Variants in RAPGEF1 observed in about 807,000 individuals in gnomAD.
RAPGEF1 encodes the protein Rap guanine nucleotide exchange factor 1, also known as CRK SH3-binding GNRP.
Under a neutral mutation model 143.3 loss-of-function variants are expected in RAPGEF1, and 33 were observed. That is an observed-to-expected ratio of 0.23 (90% CI 0.17 to 0.31). The LOEUF is 0.31. Ranked by LOEUF, RAPGEF1 falls within the 10% of genes least tolerant of loss-of-function variation. The probability of loss-of-function intolerance (pLI) is 1.00; values close to 1 mark genes in which losing one functional copy is unlikely to be tolerated. For missense variants in RAPGEF1, 1,199 were observed against 1,645.4 expected (o/e 0.73, Z 4.69); for synonymous variants, 629 against 676.5 (o/e 0.93, Z 1.09).
intron 17 of RAPGEF1, among the ~76,000 whole-genome samples, chr9:131,595,053 C>T (rs570084991): frequency 1.6e-3 from 243 of 152,384 alleles, no homozygotes; most frequent in Non-Finnish European, 2.2e-3. Context: ...GCCCCCAGCA[C>T]CGCTGACATG....
rs568733873 is a variant in RAPGEF1 at position 131,636,816 on chromosome 9, G to A, written c.651+1819C>T. Among the ~76,000 whole-genome samples, 5 of 152,258 alleles carry A rather than the reference G, an allele frequency of 3.3e-5. No homozygotes were observed. The South Asian group carries it at 6.2e-4, about 19-fold the overall frequency. On this transcript the variant is annotated intron_variant, in intron 5 of 26. Coordinates refer to ENST00000683357, the MANE Select transcript of RAPGEF1 (RefSeq NM_001377935.1). ...GTGAGGACCAGATATGATAATGTAC[G>A]TGCCTGTCCTCCAAATCCTGGAAAG... is the stretch of plus-strand genomic sequence containing the variant.
chr9:131,734,885 C>T (rs1169413895), intron 1 of RAPGEF1, among the ~76,000 whole-genome samples: 4 of 152,220 alleles, frequency 2.6e-5, no homozygotes, highest in African/African-American at 9.6e-5. Flanking sequence ...CCTATTTATT[C>T]CATCTTCAGG....
Position 131,598,272 on chromosome 9 carries a change from G to A in RAPGEF1, c.2540C>T (p.Ser847Leu), listed in dbSNP as rs1398777998. The A allele has an allele frequency of 3.7e-6, 6 of 1,613,996 alleles. No homozygotes were observed. The highest frequency in any genetic ancestry group is 2.2e-5 in the South Asian group (2 of 91,076). The change falls in exon 16 of 27, where the codon TCG becomes TTG. Residue 847 changes from serine to leucine, a missense_variant. This residue lies in a region of RAPGEF1 where 293 missense variants were observed against 356.2 expected (regional missense o/e 0.82). Transcript: ENST00000683357. The part of the protein sequence containing the change: ...KSPDALESAQ[S>L]EEEVDELSLI... ...GGACAGCTCGTCCACTTCCTCCTCC[G>A]ACTGAGCCGACTCCAGAGCATCTGG...
intron 1 of RAPGEF1, among the ~76,000 whole-genome samples, chr9:131,682,304 C>T (rs1465723303): frequency 6.6e-6 from 1 of 152,186 alleles, no homozygotes; most frequent in Admixed American, 6.5e-5. Flanking sequence ...GAAGGGAACC[C>T]GATTTCGGGA....
At chr9:131,586,655 C>A in intron 22 of RAPGEF1, among the ~76,000 whole-genome samples, 1 of 134,874 alleles carries the variant, frequency 7.4e-6, no homozygotes. Flanking sequence ...CTCAAACACA[C>A]ACACACACAC....
chr9:131,593,418 C>CT (rs1441253362), intron 17 of RAPGEF1, among the ~76,000 whole-genome samples: 2 of 152,244 alleles, frequency 1.3e-5, no homozygotes, highest in Admixed American at 6.5e-5. Context: ...CCCCCCGTGC[C>CT]TGCTGAGGTG....
At chr9:131,633,810 C>T (rs1386325479) in intron 5 of RAPGEF1, among the ~76,000 whole-genome samples, 1 of 152,196 alleles carries the variant, frequency 6.6e-6, no homozygotes, top group Non-Finnish European at 1.5e-5. Flanking sequence ...AGAGGAGAAA[C>T]CTTAAAATGT....
At chr9:131,661,356 TATATAA>T (rs1974041033) in intron 1 of RAPGEF1, among the ~76,000 whole-genome samples, 1 of 152,220 alleles carries the variant, frequency 6.6e-6, no homozygotes, top group South Asian at 2.1e-4. Context: ...CGATTCCATT[TATATAA>T]ATGCAAAAAC....
Position 131,650,027 on chromosome 9 carries a change from A to G in RAPGEF1, c.315+102T>C. ...GCCCACGGTCACCACCCAGTTGAAC[A>G]TAATAATAGTGCAATAGAGTTTTTT... On this transcript the variant is annotated intron_variant, in intron 3 of 26. Coordinates refer to ENST00000683357, the MANE Select transcript of RAPGEF1 (RefSeq NM_001377935.1). The surrounding 1 kb of genome is among the most constrained non-coding windows in gnomAD (Gnocchi z 4.7). The G allele has an allele frequency of 1.1e-6, 1 of 918,508 alleles. No individual in the cohort carries two copies. The highest frequency in any genetic ancestry group is 1.6e-6 in the Non-Finnish European group (1 of 607,250). The allele number at this position is 918,508 out of a possible 1,614,324, so 56.9% of individuals were successfully genotyped here. A position where few individuals can be genotyped will look rare whatever the true frequency, so the allele number is the denominator to read the frequency against.
rs908094792 is a variant in RAPGEF1 at position 131,584,613 on chromosome 9, A to G, written c.3234-17T>C. The G allele has an allele frequency of 1.9e-6, 3 of 1,612,630 alleles. No homozygotes were observed. Among genetic ancestry groups the G allele is most frequent in the Admixed American group, 3.3e-5 (2 of 59,998 alleles). On this transcript the variant is annotated splice_polypyrimidine_tract_variant and intron_variant, in intron 22 of 26. Transcript: ENST00000683357. The surrounding 1 kb of genome is among the most constrained non-coding windows in gnomAD (Gnocchi z 6.8). ...GACCGGACCCTGCATGGACCAAGGGAAAAAGAAACAGCTGAGTTGACAAGT... is the reference window on the plus strand; with the variant it reads ...GACCGGACCCTGCATGGACCAAGGGGAAAAGAAACAGCTGAGTTGACAAGT...
intron 1 of RAPGEF1, among the ~76,000 whole-genome samples, chr9:131,676,929 T>TGGGGGTA (rs11280692): frequency 0.13 from 19,994 of 152,140 alleles, 1,446 homozygotes; most frequent in Middle Eastern, 0.32. Context: ...GCAGACACTC[T>TGGGGGTA]GGGGGTAGGC....
At chr9:131,627,887 G>T in intron 9 of RAPGEF1, 26 bp downstream of exon 9, 1 of 1,565,986 alleles carries the variant, frequency 6.4e-7, no homozygotes. Flanking sequence ...GAGACACGAT[G>T]GAACAGGAGG....
rs1589134428 is a variant in RAPGEF1, at chr9:131,737,388, T to A, written c.61+2382A>T. On this transcript the variant is annotated intron_variant, in intron 1 of 26. Transcript: ENST00000683357. ...AGTGTCTTCCTCATTCCCGCACTCA[T>A]GACACCCCTCTCTCACCTGTGTCCA... 3 of 1,613,746 alleles carry A rather than the reference T, an allele frequency of 1.9e-6. No individual in the cohort carries two copies. In the East Asian group the frequency reaches 6.7e-5, roughly 36 times the overall value.
At chr9:131,728,986 C>T (rs996181101) in intron 1 of RAPGEF1, among the ~76,000 whole-genome samples, 1 of 152,144 alleles carries the variant, frequency 6.6e-6, no homozygotes. Flanking sequence ...GCCCAAGATC[C>T]CACAACAATG....
At chr9:131,739,127 T>TG (rs1341205977) in intron 1 of RAPGEF1, among the ~76,000 whole-genome samples, 2 of 152,046 alleles carry the variant, frequency 1.3e-5, no homozygotes, top group Non-Finnish European at 2.9e-5. Context: ...ACTCGGAAGG[T>TG]AACTCCCCCA....
At position 131,595,968 on chromosome 9, in the gene RAPGEF1, A is replaced by T. The variant is rs548749740; in HGVS notation, c.2689+330T>A. ...AGGAATCAAAAGGTACCTGCATGTT[A>T]TCTTAAGTTTAGTACTACTGGGTGA... On this transcript the variant is annotated intron_variant, in intron 17 of 26. Coordinates refer to ENST00000683357, the MANE Select transcript of RAPGEF1 (RefSeq NM_001377935.1). 2.6e-5 allele frequency among the ~76,000 whole-genome samples: 4 copies of T among 152,320 alleles called. No homozygotes were observed. The East Asian group carries it at 7.7e-4, about 29-fold the overall frequency.
rs1213685724 is a variant in RAPGEF1, at chr9:131,621,748, G to C, written c.1905+48C>G. On this transcript the variant is annotated intron_variant, in intron 11 of 26. Coordinates refer to ENST00000683357, the MANE Select transcript of RAPGEF1 (RefSeq NM_001377935.1). This position sits in a 1 kb window ranked among gnomAD's most constrained non-coding sequence, Gnocchi z 4.5. ...AAGGAGGGTCATTCTGGTTCCTAGA[G>C]ACCTGCTAGGATCGGAAGTTCTAGT... is the stretch of plus-strand genomic sequence containing the variant. 1 of 1,523,848 alleles carries C rather than the reference G, an allele frequency of 6.6e-7. No individual in the cohort carries two copies. The highest frequency in any genetic ancestry group is 1.2e-5 in the South Asian group (1 of 84,276). The allele number at this position is 1,523,848 out of a possible 1,614,324, so 94.4% of individuals were successfully genotyped here. A position where few individuals can be genotyped will look rare whatever the true frequency, so the allele number is the denominator to read the frequency against.
chr9:131,717,196 C>G (rs1180886857), intron 1 of RAPGEF1, among the ~76,000 whole-genome samples: 2 of 152,212 alleles, frequency 1.3e-5, no homozygotes, highest in Non-Finnish European at 2.9e-5. Context: ...CTTTACAACT[C>G]CCCGCCTCCA....
chr9:131,581,518 G>A lies in RAPGEF1; in HGVS notation c.3512+1087C>T, dbSNP rs542095059. 1.2e-4 allele frequency among the ~76,000 whole-genome samples: 18 copies of A among 150,802 alleles called. 1 individual carries two copies. The highest frequency in any genetic ancestry group is 5.9e-4 in the East Asian group (3 of 5,124). On this transcript the variant is annotated intron_variant, in intron 25 of 26. Transcript: ENST00000683357. ...AGCCTGGCCAACATGGTGAAACTCC[G>A]TCTCTACTAAAAAAAATACAAAAAA...
Sources: gnomAD v4.1 joint callset for allele counts (sites outside exome capture counted in the v4.1 genomes callset) on GRCh38, gnomAD v4.1.1 for gene constraint, gnomAD v4.1.1 regional missense constraint, Gnocchi (gnomAD v3.1) non-coding constraint, MANE v1.5 for transcripts, NCBI Gene and HGNC (gene_info 2026-07-23, HGNC 2026-07-21) for gene names.